SCRG1: variants seen among roughly 807,000 people sequenced by gnomAD.
SCRG1 encodes the protein stimulator of chondrogenesis 1, also known as scrapie-responsive protein 1.
SCRG1 carries 3 observed loss-of-function variants against 7.7 expected under a neutral mutation model. The observed-to-expected ratio is 0.39, with a 90% CI of 0.18 to 1.01. The LOEUF is 1.01. Ranked by LOEUF, SCRG1 falls within the 50% of genes least tolerant of loss-of-function variation. The pLI is 0.36. For synonymous variants in SCRG1, 46 were observed against 41.2 expected, an observed-to-expected ratio of 1.12 and a Z score of -0.44; for missense variants, 110 against 117.2, an observed-to-expected ratio of 0.94 and a Z score of 0.28.
chr4:173,496,478 T>C, the SCRG1 span, among the ~76,000 whole-genome samples: 4 of 152,226 alleles, frequency 2.6e-5, no homozygotes, highest in Admixed American at 1.3e-4. Flanking sequence ...AAATAAATTC[T>C]GTTTTGAGCA....
the SCRG1 span, among the ~76,000 whole-genome samples, chr4:173,502,253 A>C: frequency 1.3e-5 from 2 of 152,084 alleles, no homozygotes; most frequent in Non-Finnish European, 2.9e-5. This position sits in a 1 kb window ranked among gnomAD's most constrained non-coding sequence, Gnocchi z 4.6. Flanking sequence ...CCAGGTAAGT[A>C]TGTGAGCCAC....
At chr4:173,474,078 G>A in the SCRG1 span, among the ~76,000 whole-genome samples, 2 of 152,102 alleles carry the variant, frequency 1.3e-5, no homozygotes, top group South Asian at 4.1e-4. Flanking sequence ...TACTCAGGAG[G>A]CTGAGGCAAG....
At chr4:173,458,535 G>C in the SCRG1 span, among the ~76,000 whole-genome samples, 48 of 152,222 alleles carry the variant, frequency 3.2e-4, no homozygotes, top group Non-Finnish European at 6.2e-4. Flanking sequence ...TCTACATCTG[G>C]AAGTGAAAAG....
At chr4:173,426,885 A>G in the SCRG1 span, among the ~76,000 whole-genome samples, 2 of 152,254 alleles carry the variant, frequency 1.3e-5, no homozygotes, top group Admixed American at 6.5e-5. Context: ...ACCCTTGCAG[A>G]TCAATGGCTC....
the SCRG1 span, among the ~76,000 whole-genome samples, chr4:173,504,705 G>C: frequency 1.3e-5 from 2 of 152,186 alleles, no homozygotes; most frequent in Non-Finnish European, 2.9e-5. This position sits in a 1 kb window ranked among gnomAD's most constrained non-coding sequence, Gnocchi z 4.7. Flanking sequence ...GACCACTGGA[G>C]TCCCTGCCAG....
At chr4:173,433,227 G>A in the SCRG1 span, among the ~76,000 whole-genome samples, 1 of 152,170 alleles carries the variant, frequency 6.6e-6, no homozygotes, top group African/African-American at 2.4e-5. Context: ...TGGGGGGAAA[G>A]GAATTCACAC....
the SCRG1 span, chr4:173,468,127 A>G: frequency 6.6e-6 from 1 of 152,612 alleles, no homozygotes; most frequent in Non-Finnish European, 1.5e-5. Flanking sequence ...TCAACGATGG[A>G]CCACATATAC....
intron 1 of SCRG1, among the ~76,000 whole-genome samples, chr4:173,406,087 TCTGATGC>T (rs1268370671): frequency 6.6e-6 from 1 of 152,256 alleles, no homozygotes; most frequent in African/African-American, 2.4e-5. Flanking sequence ...ATGAGTTTAT[TCTGATGC>T]CTCCAACTCT....
At chr4:173,483,167 T>C in the SCRG1 span, among the ~76,000 whole-genome samples, 3 of 129,320 alleles carry the variant, frequency 2.3e-5, no homozygotes, top group Non-Finnish European at 3.1e-5. Context: ...ATATATAACA[T>C]ATAACATATA....
At chr4:173,407,280 G>T (rs1355989054), upstream of SCRG1, among the ~76,000 whole-genome samples, 1 of 151,246 alleles carries the variant, frequency 6.6e-6, no homozygotes, top group Admixed American at 6.6e-5. Flanking sequence ...ACTTTAGGAG[G>T]CCGAGGTGGG....
chr4:173,465,299 C>T, the SCRG1 span, among the ~76,000 whole-genome samples: 2 of 152,244 alleles, frequency 1.3e-5, no homozygotes, highest in Admixed American at 1.3e-4. Flanking sequence ...GCATAGACAA[C>T]ACACACAAAA....
chr4:173,414,508 A>C, the SCRG1 span, among the ~76,000 whole-genome samples: 5 of 152,156 alleles, frequency 3.3e-5, no homozygotes, highest in Non-Finnish European at 7.4e-5. Flanking sequence ...GGTGACGTAC[A>C]GGGGATCCTT....
upstream of SCRG1, among the ~76,000 whole-genome samples, chr4:173,410,217 C>T (rs745861369): frequency 2.6e-5 from 4 of 152,212 alleles, no homozygotes; most frequent in Non-Finnish European, 5.9e-5. Flanking sequence ...GTTCTAGATC[C>T]TGTGTGTAGC....
intron 1 of SCRG1, among the ~76,000 whole-genome samples, chr4:173,396,013 G>A (rs1739593070): frequency 1.3e-5 from 2 of 152,338 alleles, no homozygotes; most frequent in South Asian, 4.1e-4. Flanking sequence ...TGGCTGGCCT[G>A]TGAAGATGTA....
the SCRG1 span, among the ~76,000 whole-genome samples, chr4:173,504,188 CT>C: frequency 1.3e-5 from 2 of 152,096 alleles, no homozygotes; most frequent in African/African-American, 4.8e-5. This position sits in a 1 kb window ranked among gnomAD's most constrained non-coding sequence, Gnocchi z 4.7. Flanking sequence ...GAATCCATTT[CT>C]TTTTGGTCTT....
chr4:173,443,886 AC>A, the SCRG1 span, among the ~76,000 whole-genome samples: 1 of 150,990 alleles, frequency 6.6e-6, no homozygotes, highest in African/African-American at 2.4e-5. Context: ...TATGTTCAGG[AC>A]CGTGTCATAT....
the SCRG1 span, among the ~76,000 whole-genome samples, chr4:173,488,242 C>CTGTTCAATACAGGAAACAGAAAA: frequency 6.6e-6 from 1 of 152,012 alleles, no homozygotes; most frequent in African/African-American, 2.4e-5. Flanking sequence ...AGTGGCAAGT[C>CTGTTCAATACAGGAAACAGAAAA]CTCCCTACAG....
chr4:173,514,355 T>C, the SCRG1 span, among the ~76,000 whole-genome samples: 1 of 152,182 alleles, frequency 6.6e-6, no homozygotes, highest in Non-Finnish European at 1.5e-5. Context: ...GTCTAATAGA[T>C]GTTTGAAAAT....
the SCRG1 span, among the ~76,000 whole-genome samples, chr4:173,478,414 T>C: frequency 3.3e-5 from 5 of 152,174 alleles, no homozygotes; most frequent in South Asian, 8.3e-4. Context: ...AGTCCTGGTC[T>C]TCATCACTTT....
Sources: gnomAD v4.1 joint callset for allele counts (sites outside exome capture counted in the v4.1 genomes callset) on GRCh38, gnomAD v4.1.1 for gene constraint, Gnocchi (gnomAD v3.1) non-coding constraint, MANE v1.5 for transcripts, NCBI Gene and HGNC (gene_info 2026-07-23, HGNC 2026-07-21) for gene names.